Variants in RAC1 observed in about 807,000 individuals in gnomAD.
RAC1 encodes the protein ras-related C3 botulinum toxin substrate 1.
In RAC1, 2 loss-of-function variants were observed where a neutral mutation model predicts 25.2. The observed-to-expected ratio is 0.08, with a 90% CI of 0.03 to 0.25. The LOEUF is 0.25. RAC1 is among the 10% of genes least tolerant of loss of function. The pLI, the probability that RAC1 is intolerant of heterozygous loss-of-function variation, is 1.00. For missense variants in RAC1, 50 were observed against 235.7 expected (o/e 0.21, Z 5.16); for synonymous variants, 88 against 94.0 (o/e 0.94, Z 0.37).
chr7:6,398,759 C>A, intron 3 of RAC1: 1 of 1,578,522 alleles, frequency 6.3e-7, no homozygotes, highest in Non-Finnish European at 8.7e-7. Flanking sequence ...CAAGCTTTCT[C>A]TGTTCTCTCA....
At chr7:6,390,083 C>T (rs13223115) in intron 2 of RAC1, among the ~76,000 whole-genome samples, 17 of 117,760 alleles carry the variant, frequency 1.4e-4, no homozygotes, top group Non-Finnish European at 2.0e-4. Flanking sequence ...TCCCTTGCTC[C>T]CTCCCTCCCT....
intron 1 of RAC1, among the ~76,000 whole-genome samples, chr7:6,384,150 C>G (rs1293748794): frequency 6.6e-6 from 1 of 152,080 alleles, no homozygotes; most frequent in Non-Finnish European, 1.5e-5. Context: ...CTTTCTTCCT[C>G]AGCTGCCACA....
At chr7:6,380,960 C>T (rs1243488327) in intron 1 of RAC1, among the ~76,000 whole-genome samples, 2 of 152,100 alleles carry the variant, frequency 1.3e-5, no homozygotes, top group African/African-American at 4.8e-5. Flanking sequence ...TCTCCGCATC[C>T]CAGGTTCAGG....
At chr7:6,381,897 C>G (rs1005632343) in intron 1 of RAC1, among the ~76,000 whole-genome samples, 3 of 152,134 alleles carry the variant, frequency 2.0e-5, no homozygotes. Flanking sequence ...CAGTGTAAAT[C>G]GAGGACCTTC....
rs1491166978 is a variant in RAC1, at chr7:6,402,536, AAC to A, written c.*92_*93del. ...ACAAAAAAAAAAAACAAAAAAAAAAAACAACGGTGGAGCCTTCGCACTCAATG... is the reference window on the plus strand; with the variant it reads ...ACAAAAAAAAAAAACAAAAAAAAAAAAACGGTGGAGCCTTCGCACTCAATG... On this transcript the variant is annotated 3_prime_UTR_variant, in exon 6 of 6. Coordinates refer to ENST00000348035, the MANE Select transcript of RAC1 (RefSeq NM_006908.5). 5.3e-5 allele frequency: 50 copies of A among 947,806 alleles called. No homozygotes were observed. Among genetic ancestry groups the A allele is most frequent in the African/African-American group, 2.7e-4 (14 of 52,050 alleles). The allele number at this position is 947,806 out of a possible 1,614,324, so 58.7% of individuals were successfully genotyped here. A position where few individuals can be genotyped will look rare whatever the true frequency, so the allele number is the denominator to read the frequency against.
At chr7:6,382,267 G>A (rs974359607) in intron 1 of RAC1, among the ~76,000 whole-genome samples, 1 of 151,902 alleles carries the variant, frequency 6.6e-6, no homozygotes, top group Non-Finnish European at 1.5e-5. Flanking sequence ...TGGGATTACA[G>A]GGAAGAGCCA....
chr7:6,385,354 A>T (rs987165779), intron 1 of RAC1, among the ~76,000 whole-genome samples: 1 of 152,100 alleles, frequency 6.6e-6, no homozygotes, highest in Non-Finnish European at 1.5e-5. Flanking sequence ...TAGTTTGGGG[A>T]TGGAGCTGGT....
chr7:6,396,750 G>T (rs182814088), intron 3 of RAC1, among the ~76,000 whole-genome samples: 1 of 152,162 alleles, frequency 6.6e-6, no homozygotes, highest in Non-Finnish European at 1.5e-5. Context: ...AGCTTGAGTG[G>T]CCTGGCACGG....
At chr7:6,391,261 C>T (rs539098458) in intron 2 of RAC1, among the ~76,000 whole-genome samples, 1 of 150,450 alleles carries the variant, frequency 6.6e-6, no homozygotes, top group Non-Finnish European at 1.5e-5. Context: ...GCAGAGGAAA[C>T]ACTATTTTCT....
Position 6,374,790 on chromosome 7 carries a change from CG to C in RAC1, c.35+23del. Reference sequence around the variant, plus strand: ...AGACGGGTGAGTGCGCGGCCGGGGCCGGGCTGGAGGCCGCGGGATCGGGCGC... The same window carrying C: ...AGACGGGTGAGTGCGCGGCCGGGGCCGGCTGGAGGCCGCGGGATCGGGCGC... On this transcript the variant is annotated intron_variant, in intron 1 of 5. Transcript: ENST00000348035. 8.9e-7 allele frequency: 1 copy of C among 1,120,068 alleles called. No individual in the cohort carries two copies. Among genetic ancestry groups the C allele is most frequent in the Non-Finnish European group, 1.1e-6 (1 of 912,936 alleles). 69.4% of individuals were successfully genotyped at this position (1,120,068 alleles called of 1,614,324 possible).
chr7:6,395,573 A>G (rs1160948000), intron 3 of RAC1, among the ~76,000 whole-genome samples: 8 of 152,170 alleles, frequency 5.3e-5, no homozygotes, highest in Non-Finnish European at 1.2e-4. Flanking sequence ...ATTTGTCACT[A>G]CTTAGAAACG....
At chr7:6,383,784 C>CTTTTTTTTTTTTTT (rs34847745) in intron 1 of RAC1, among the ~76,000 whole-genome samples, 2 of 39,802 alleles carry the variant, frequency 5.0e-5, no homozygotes, top group Non-Finnish European at 9.3e-5. Context: ...CAACCTTTAT[C>CTTTTTTTTTTTTTT]TTTTTTTTTT....
At chr7:6,375,156 C>T (rs1207893248) in intron 1 of RAC1, among the ~76,000 whole-genome samples, 2 of 152,082 alleles carry the variant, frequency 1.3e-5, no homozygotes, top group Admixed American at 1.3e-4. Context: ...ACCTCTCGAT[C>T]CCCTTTTGAG....
Position 6,402,900 on chromosome 7 carries a change from C to G in RAC1, c.*454C>G. ...TGCTCTCCTATGTAGTTCTCAGATG[C>G]GTAAAGCAGAACAGCCTCCCGAATG... On this transcript the variant is annotated 3_prime_UTR_variant, in exon 6 of 6. Transcript: ENST00000348035. 5.2e-6 allele frequency: 1 copy of G among 192,786 alleles called. No homozygotes were observed. The highest frequency in any genetic ancestry group is 1.1e-5 in the Non-Finnish European group (1 of 92,092). The allele number at this position is 192,786 out of a possible 1,614,324, so 11.9% of individuals were successfully genotyped here. A position where few individuals can be genotyped will look rare whatever the true frequency, so the allele number is the denominator to read the frequency against.
rs2115218365 is a variant in RAC1 at position 6,402,338 on chromosome 7, C to T, written c.471C>T (p.Cys157=). 6.2e-7 allele frequency: 1 copy of T among 1,611,264 alleles called. No homozygotes were observed. Residue 157 remains cysteine (C), a synonymous_variant, in exon 6 of 6, where the codon TGC becomes TGT. Coordinates refer to ENST00000348035, the MANE Select transcript of RAC1 (RefSeq NM_006908.5). The part of the protein sequence containing the change: ...KEIGAVKYLE[C]SALTQRGLKT... ...TAGGTGCTGTAAAATACCTGGAGTGCTCGGCGCTCACACAGCGAGGCCTCA... is the reference window on the plus strand; with the variant it reads ...TAGGTGCTGTAAAATACCTGGAGTGTTCGGCGCTCACACAGCGAGGCCTCA...
chr7:6,375,658 T>TTTTC (rs1393142051), intron 1 of RAC1, among the ~76,000 whole-genome samples: 4 of 151,764 alleles, frequency 2.6e-5, no homozygotes, highest in African/African-American at 9.7e-5. Context: ...CTGTTTTTTC[T>TTTTC]TTTCTTTCTT....
At chr7:6,402,184 G>T in intron 5 of RAC1, 132 bp from the exon 6 acceptor site, 1 of 1,461,186 alleles carries the variant, frequency 6.8e-7, no homozygotes, top group South Asian at 1.4e-5. Flanking sequence ...CTTAACGTCA[G>T]CGTTGGAAGG....
At chr7:6,385,485 A>G (rs2115191015) in intron 1 of RAC1, among the ~76,000 whole-genome samples, 1 of 152,298 alleles carries the variant, frequency 6.6e-6, no homozygotes, top group African/African-American at 2.4e-5. Flanking sequence ...TCTGACTCCA[A>G]AGCTTAGGCT....
chr7:6,385,623 A>G (rs911566385), intron 1 of RAC1, among the ~76,000 whole-genome samples: 16 of 152,202 alleles, frequency 1.1e-4, no homozygotes, highest in African/African-American at 3.1e-4. Flanking sequence ...TTGACTCTCT[A>G]AAGTCTTTGG....
Sources: gnomAD v4.1 joint callset for allele counts (sites outside exome capture counted in the v4.1 genomes callset) on GRCh38, gnomAD v4.1.1 for gene constraint, MANE v1.5 for transcripts, NCBI Gene and HGNC (gene_info 2026-07-23, HGNC 2026-07-21) for gene names.